The following CHSY3 variants were observed in gnomAD, a reference collection of about 807,000 sequenced individuals.
CHSY3 encodes the protein N-acetylgalactosaminyl-proteoglycan 3-beta-glucuronosyltransferase 3.
Under a neutral mutation model 67.2 loss-of-function variants are expected in CHSY3, and 35 were observed. The observed-to-expected ratio is 0.52, with a 90% CI of 0.40 to 0.69. The LOEUF is 0.69. Ranked by LOEUF, CHSY3 falls within the 30% of genes least tolerant of loss-of-function variation. The pLI is 0.00. For missense variants in CHSY3, 1,069 were observed against 1,138.5 expected (o/e 0.94, Z 0.88); for synonymous variants, 474 against 434.7 (o/e 1.09, Z -1.12).
intron 2 of CHSY3, among the ~76,000 whole-genome samples, chr5:130,173,656 A>G (rs1207003406): frequency 6.6e-6 from 1 of 152,190 alleles, no homozygotes; most frequent in Non-Finnish European, 1.5e-5. Flanking sequence ...AAAAATATGC[A>G]TACAGGATAT....
At chr5:129,976,597 G>A (rs1208573748) in intron 2 of CHSY3, among the ~76,000 whole-genome samples, 1 of 151,946 alleles carries the variant, frequency 6.6e-6, no homozygotes, top group Non-Finnish European at 1.5e-5. Context: ...TATTCCTTTA[G>A]GAGTATTTAA....
chr5:130,163,309 G>C (rs1057185631), intron 2 of CHSY3, among the ~76,000 whole-genome samples: 8 of 152,166 alleles, frequency 5.3e-5, no homozygotes, highest in African/African-American at 1.7e-4. Context: ...TTTATTCTTG[G>C]TTAATTTTCC....
intron 2 of CHSY3, among the ~76,000 whole-genome samples, chr5:130,174,229 A>G (rs1438353387): frequency 6.6e-6 from 1 of 151,980 alleles, no homozygotes; most frequent in Non-Finnish European, 1.5e-5. Context: ...ATTCTCCCAA[A>G]TCCTCCTTAA....
At chr5:130,080,225 A>G (rs951881067) in intron 2 of CHSY3, among the ~76,000 whole-genome samples, 1 of 151,946 alleles carries the variant, frequency 6.6e-6, no homozygotes, top group African/African-American at 2.4e-5. Flanking sequence ...AGTAGGTCAG[A>G]CCTCCAATAC....
At chr5:129,919,113 CAAAAA>C (rs35333880) in intron 2 of CHSY3, among the ~76,000 whole-genome samples, 6 of 73,432 alleles carry the variant, frequency 8.2e-5, no homozygotes, top group East Asian at 8.1e-4. Context: ...GACTCCGTCT[CAAAAA>C]AAAAAAAAAA....
At position 130,145,757 on chromosome 5, in the gene CHSY3, A is replaced by T. The variant is rs1162493989; in HGVS notation, c.1087-38472A>T. Among the ~76,000 whole-genome samples, 8 of 152,160 alleles carry T rather than the reference A, an allele frequency of 5.3e-5. 1 individual carries two copies. Among genetic ancestry groups the T allele is most frequent in the Admixed American group, 3.3e-4 (5 of 15,280 alleles). On this transcript the variant is annotated intron_variant, in intron 2 of 2. Transcript: ENST00000305031. ...GTAATTTAAACAACTCAACAGCAAA[A>T]AAACTAAATTACCCCATTAAAAAAT...
chr5:129,907,977 G>A, intron 1 of CHSY3, 100 bp from the exon 2 acceptor site: 1 of 1,491,524 alleles, frequency 6.7e-7, no homozygotes, highest in Non-Finnish European at 8.9e-7. Context: ...GTAAGACTGA[G>A]GATTTTAAGC....
chr5:129,962,943 G>A (rs1762374896), intron 2 of CHSY3, among the ~76,000 whole-genome samples: 1 of 151,930 alleles, frequency 6.6e-6, no homozygotes, highest in African/African-American at 2.4e-5. Flanking sequence ...AGCCAACTTG[G>A]GGGTCTTTGC....
At chr5:129,946,729 G>A (rs1228608023) in intron 2 of CHSY3, among the ~76,000 whole-genome samples, 1 of 152,034 alleles carries the variant, frequency 6.6e-6, no homozygotes, top group Non-Finnish European at 1.5e-5. Flanking sequence ...TGTCCTCCAG[G>A]TTCATCCATG....
At chr5:130,032,330 A>G (rs1764726067) in intron 2 of CHSY3, among the ~76,000 whole-genome samples, 1 of 152,142 alleles carries the variant, frequency 6.6e-6, no homozygotes, top group Non-Finnish European at 1.5e-5. Flanking sequence ...CTTAGATTAT[A>G]TGTATTATCA....
At chr5:129,941,441 A>G (rs1318747601) in intron 2 of CHSY3, among the ~76,000 whole-genome samples, 1 of 152,178 alleles carries the variant, frequency 6.6e-6, no homozygotes. Flanking sequence ...AGTAGCTTTA[A>G]TGGTAGACAG....
At chr5:130,054,897 T>G (rs73245409) in intron 2 of CHSY3, among the ~76,000 whole-genome samples, 3,773 of 152,270 alleles carry the variant, frequency 0.025, 141 homozygotes, top group African/African-American at 0.086. Flanking sequence ...TTTCTGATCC[T>G]ACCTAATGTA....
intron 2 of CHSY3, among the ~76,000 whole-genome samples, chr5:130,178,247 ATATATATT>A (rs1394600221): frequency 1.4e-5 from 1 of 69,262 alleles, no homozygotes; most frequent in African/African-American, 7.7e-5. Context: ...ATATATATAT[ATATATATT>A]TTTTTTTTTT....
At chr5:130,021,293 G>T (rs1392051734) in intron 2 of CHSY3, among the ~76,000 whole-genome samples, 1 of 151,834 alleles carries the variant, frequency 6.6e-6, no homozygotes, top group Non-Finnish European at 1.5e-5. Context: ...TTATTTTACT[G>T]CCCTTACTAC....
intron 2 of CHSY3, among the ~76,000 whole-genome samples, chr5:129,990,226 T>A (rs779411726): frequency 6.6e-6 from 1 of 152,098 alleles, no homozygotes. Context: ...TGGTAGCAAA[T>A]CCTTAAATTA....
chr5:130,128,380 G>A (rs984723593), intron 2 of CHSY3, among the ~76,000 whole-genome samples: 1 of 151,960 alleles, frequency 6.6e-6, no homozygotes, highest in African/African-American at 2.4e-5. Flanking sequence ...TGCTAACATG[G>A]ATGGACTTGG....
intron 2 of CHSY3, among the ~76,000 whole-genome samples, chr5:129,987,581 G>A (rs1763242384): frequency 6.6e-6 from 1 of 152,122 alleles, no homozygotes. Context: ...GACTTCTACA[G>A]GGTGATATGA....
intron 2 of CHSY3, among the ~76,000 whole-genome samples, chr5:130,045,723 A>G (rs957046922): frequency 6.6e-6 from 1 of 152,034 alleles, no homozygotes; most frequent in Non-Finnish European, 1.5e-5. Flanking sequence ...TTCTTCTTCT[A>G]ATTTGCCTCA....
At chr5:130,143,788 A>ATATATATATATATATTTGTG (rs1768971208) in intron 2 of CHSY3, among the ~76,000 whole-genome samples, 1 of 47,376 alleles carries the variant, frequency 2.1e-5, no homozygotes. Context: ...ATATGTGTAT[A>ATATATATATATATATTTGTG]TATATATATA....
Sources: gnomAD v4.1 joint callset for allele counts (sites outside exome capture counted in the v4.1 genomes callset) on GRCh38, gnomAD v4.1.1 for gene constraint, MANE v1.5 for transcripts, NCBI Gene and HGNC (gene_info 2026-07-23, HGNC 2026-07-21) for gene names.